MYO9B: variants seen among roughly 807,000 people sequenced by gnomAD.
MYO9B encodes unconventional myosin-IXb.
MYO9B carries 71 observed loss-of-function variants against 229.5 expected under a neutral mutation model. The observed-to-expected ratio is 0.31, with a 90% CI of 0.26 to 0.38. The LOEUF (loss-of-function observed/expected upper bound fraction) is 0.38, where lower values mean the gene tolerates loss of function less well. Among genes scored for constraint, MYO9B ranks in the 10% least tolerant of loss-of-function variants. MYO9B has a pLI of 1.00. For missense variants in MYO9B, 2,255 were observed against 2,920.5 expected, an observed-to-expected ratio of 0.77 and a Z score of 5.25; for synonymous variants, 1,185 against 1,235.8, an observed-to-expected ratio of 0.96 and a Z score of 0.86.
chr19:17,205,633 T>C (rs1294495062), intron 31 of MYO9B, among the ~76,000 whole-genome samples: 1 of 152,128 alleles, frequency 6.6e-6, no homozygotes, highest in Non-Finnish European at 1.5e-5. Flanking sequence ...TGCATAAGGT[T>C]GGGGTCCTGG....
intron 2 of MYO9B, among the ~76,000 whole-genome samples, chr19:17,114,727 GTCC>G (rs2057883875): frequency 1.3e-5 from 2 of 152,050 alleles, no homozygotes; most frequent in Admixed American, 1.3e-4. Flanking sequence ...GGTCCTCCCT[GTCC>G]TCCTGGGGTG....
At chr19:17,181,752 T>A (rs1004412806) in intron 15 of MYO9B, among the ~76,000 whole-genome samples, 10 of 152,188 alleles carry the variant, frequency 6.6e-5, no homozygotes, top group Non-Finnish European at 1.3e-4. Flanking sequence ...TTTCTTTCTT[T>A]CTTTCGTTCG....
intron 8 of MYO9B, among the ~76,000 whole-genome samples, chr19:17,159,744 A>G (rs754796447): frequency 3.9e-4 from 60 of 152,252 alleles, no homozygotes; most frequent in Non-Finnish European, 7.2e-4. Flanking sequence ...GGTTCTCACT[A>G]GCAATGGTTG....
chr19:17,126,059 T>C (rs2058014696), intron 2 of MYO9B, among the ~76,000 whole-genome samples: 1 of 152,180 alleles, frequency 6.6e-6, no homozygotes, highest in Non-Finnish European at 1.5e-5. Flanking sequence ...GTCTTCCTTG[T>C]GCCTGGCTGG....
intron 2 of MYO9B, among the ~76,000 whole-genome samples, chr19:17,112,135 C>A (rs766939106): frequency 6.6e-6 from 1 of 152,138 alleles, no homozygotes; most frequent in Non-Finnish European, 1.5e-5. Flanking sequence ...TCAGTGTCCC[C>A]CACAAGAACA....
At chr19:17,206,859 G>C in intron 34 of MYO9B, 75 bp downstream of exon 34, 2 of 1,355,246 alleles carry the variant, frequency 1.5e-6, no homozygotes, top group Non-Finnish European at 2.1e-6. Flanking sequence ...TTCCCAGGAG[G>C]ACCCGAGCTG....
intron 14 of MYO9B, chr19:17,177,700 G>A (rs777480208): frequency 6.6e-6 from 1 of 152,212 alleles, no homozygotes; most frequent in Admixed American, 6.6e-5. Context: ...TCTGACCTGC[G>A]GTAGCAGAAG....
intron 2 of MYO9B, among the ~76,000 whole-genome samples, chr19:17,105,833 C>T (rs980860731): frequency 1.3e-5 from 2 of 152,130 alleles, no homozygotes; most frequent in African/African-American, 2.4e-5. Context: ...AGCCCTGGTC[C>T]GACATATGTA....
At chr19:17,176,313 G>A (rs34326794) in intron 14 of MYO9B, among the ~76,000 whole-genome samples, 24,251 of 152,032 alleles carry the variant, frequency 0.16, 2,427 homozygotes, top group East Asian at 0.39. Context: ...TGGGATTACA[G>A]GCGTGAGCCA....
At chr19:17,161,096 G>A (rs920538956) in intron 8 of MYO9B, among the ~76,000 whole-genome samples, 15 of 152,020 alleles carry the variant, frequency 9.9e-5, no homozygotes, top group Admixed American at 1.3e-4. Context: ...CACCACGTCC[G>A]GCCACAAAAG....
At chr19:17,173,051 C>A in intron 13 of MYO9B, 88 bp downstream of exon 13, 1 of 1,416,202 alleles carries the variant, frequency 7.1e-7, no homozygotes. Flanking sequence ...ACTTCAGTGG[C>A]ATTTAGTACA....
At position 17,162,397 on chromosome 19, in the gene MYO9B, G is replaced by A; in HGVS notation, c.1467G>A (p.Leu489=). 6.3e-7 allele frequency: 1 copy of A among 1,589,510 alleles called. No homozygotes were observed. The highest frequency in any genetic ancestry group is 1.7e-4 in the Middle Eastern group (1 of 6,038). ...TGGCCAAGTCTCTGTACAGCGCCCT[G>A]TTCGACTGGATTGTGCTGCGGATCA... ...DSMAKSLYSA[L]FDWIVLRINH... The change falls in exon 9 of 40, where the codon CTG becomes CTA. Residue 489 remains leucine, a synonymous_variant. Transcript: ENST00000682292.
At chr19:17,083,863 C>G (rs1055193260) in intron 1 of MYO9B, among the ~76,000 whole-genome samples, 2 of 151,974 alleles carry the variant, frequency 1.3e-5, no homozygotes, top group African/African-American at 4.8e-5. Flanking sequence ...GTTGGCCAGG[C>G]TGGTCTTGAA....
At chr19:17,126,074 A>G (rs1375170607) in intron 2 of MYO9B, among the ~76,000 whole-genome samples, 3 of 152,084 alleles carry the variant, frequency 2.0e-5, no homozygotes, top group Non-Finnish European at 4.4e-5. Flanking sequence ...GGCTGGCATC[A>G]TCCCCGACAT....
In MYO9B at chr19:17,203,162, G is replaced by A. The variant is rs745853652; in HGVS notation, c.4894G>A (p.Gly1632Arg). 3.5e-5 allele frequency: 55 copies of A among 1,573,430 alleles called. No individual in the cohort carries two copies. The Middle Eastern group carries it at 6.6e-4, about 19-fold the overall frequency. Residue 1632 changes from glycine (G) to arginine (R), a missense_variant, in exon 30 of 40, where the codon GGG becomes AGG. Around this residue, in one of 7 missense-constraint regions of MYO9B, gnomAD observed 416 missense variants for 605.5 expected, o/e 0.69. Transcript: ENST00000682292. ...KQERAVQEHN[G>R]HVFASYQVSI... ...GGCCTCACAGGTCCAGGAGCACAAC[G>A]GGCACGTGTTCGCCAGCTACCAGGT...
chr19:17,093,451 A>C (rs1325206034), intron 1 of MYO9B, among the ~76,000 whole-genome samples: 4 of 152,138 alleles, frequency 2.6e-5, no homozygotes, highest in African/African-American at 9.7e-5. Context: ...GCCTGGGAAC[A>C]TTCCATGATT....
Position 17,101,701 on chromosome 19 carries a change from G to A in MYO9B, c.-17G>A. On this transcript the variant is annotated 5_prime_UTR_variant, in exon 2 of 40. Coordinates refer to ENST00000682292, the MANE Select transcript of MYO9B (RefSeq NM_004145.4). This position sits in a 1 kb window ranked among gnomAD's most constrained non-coding sequence, Gnocchi z 4.7. ...CCCCGAGCCTGGGAGGCATGCTGAA[G>A]CCAGGCGGCCGGCAGGATGAGTGTG... 3 of 1,547,512 alleles carry A rather than the reference G, an allele frequency of 1.9e-6. No homozygotes were observed. The highest frequency in any genetic ancestry group is 2.6e-6 in the Non-Finnish European group (3 of 1,151,936).
At chr19:17,199,528 C>A (rs1000757259) in intron 24 of MYO9B, among the ~76,000 whole-genome samples, 1 of 150,762 alleles carries the variant, frequency 6.6e-6, no homozygotes, top group Admixed American at 6.6e-5. Flanking sequence ...TTTTTTGAGA[C>A]AGAATCTTGC....
intron 10 of MYO9B, among the ~76,000 whole-genome samples, chr19:17,166,740 A>G (rs114916878): frequency 0.028 from 4,336 of 152,198 alleles, 211 homozygotes; most frequent in African/African-American, 0.1. Flanking sequence ...TCTTATAAAT[A>G]AGAACATGCA....
Sources: allele counts gnomAD v4.1 joint callset (sites outside exome capture counted in the v4.1 genomes callset), GRCh38; gene constraint gnomAD v4.1.1; regional missense constraint gnomAD v4.1.1; non-coding constraint Gnocchi (gnomAD v3.1); transcripts MANE v1.5; gene names NCBI Gene and HGNC (gene_info 2026-07-23, HGNC 2026-07-21).